Variants in WWOX observed in about 807,000 individuals in gnomAD.
The protein encoded by WWOX is WW domain containing oxidoreductase.
In WWOX, 69 loss-of-function variants were observed where a neutral mutation model predicts 46.2. The observed-to-expected ratio is 1.49, with a 90% CI of 1.23 to 1.82. The LOEUF (loss-of-function observed/expected upper bound fraction) is 1.82. Ranked by LOEUF, WWOX falls within the 40% of genes most tolerant of loss-of-function variation. WWOX has a pLI of 0.00. For missense variants in WWOX, 919 were observed against 542.6 expected, an observed-to-expected ratio of 1.69 and a Z score of -6.89; for synonymous variants, 359 against 202.6, an observed-to-expected ratio of 1.77 and a Z score of -6.56.
chr16:78,594,459 G>A (rs1292788641), intron 8 of WWOX, among the ~76,000 whole-genome samples: 4 of 55,798 alleles, frequency 7.2e-5, no homozygotes, highest in African/African-American at 1.7e-4. Flanking sequence ...AAATTGTCCC[G>A]TTGTCTCTTG....
chr16:79,069,879 G>C (rs1025974592), intron 8 of WWOX, among the ~76,000 whole-genome samples: 1 of 152,106 alleles, frequency 6.6e-6, no homozygotes, highest in Non-Finnish European at 1.5e-5. Context: ...TTGACTCATT[G>C]AAAAACACCT....
chr16:79,116,178 T>G (rs1392100894), intron 8 of WWOX, among the ~76,000 whole-genome samples: 5 of 152,322 alleles, frequency 3.3e-5, no homozygotes, highest in Non-Finnish European at 5.9e-5. Context: ...TGCCTTGATG[T>G]TGATGGCTGC....
At chr16:79,153,679 T>C (rs2050325489) in intron 8 of WWOX, among the ~76,000 whole-genome samples, 1 of 152,170 alleles carries the variant, frequency 6.6e-6, no homozygotes, top group African/African-American at 2.4e-5. Flanking sequence ...CTTAATCTCA[T>C]TGTACATACT....
chr16:78,256,149 CAAAAAAAAAAAA>C (rs10557567), intron 5 of WWOX, among the ~76,000 whole-genome samples: 1 of 65,468 alleles, frequency 1.5e-5, no homozygotes, highest in South Asian at 6.8e-4. Context: ...GACTCCATCT[CAAAAAAAAAAAA>C]AAAAAAAAAA....
At chr16:78,393,112 G>C (rs562385806) in intron 6 of WWOX, among the ~76,000 whole-genome samples, 167 of 152,296 alleles carry the variant, frequency 1.1e-3, no homozygotes, top group African/African-American at 3.8e-3. Context: ...AGAGGAGCCA[G>C]ACTTCCTACT....
chr16:79,180,066 A>T (rs1397267286), intron 8 of WWOX, among the ~76,000 whole-genome samples: 7 of 151,754 alleles, frequency 4.6e-5, no homozygotes, highest in Non-Finnish European at 1.0e-4. Flanking sequence ...TTTTTGAGAG[A>T]TTCTATTGTG....
intron 8 of WWOX, among the ~76,000 whole-genome samples, chr16:79,096,130 A>C (rs1407191849): frequency 6.7e-6 from 1 of 150,150 alleles, no homozygotes; most frequent in African/African-American, 2.5e-5. Context: ...GGTCTCCCAA[A>C]GTGCTGGGAT....
intron 5 of WWOX, among the ~76,000 whole-genome samples, chr16:78,316,625 G>A (rs2080362104): frequency 6.6e-6 from 1 of 152,136 alleles, no homozygotes; most frequent in South Asian, 2.1e-4. Context: ...TTATAGGCCT[G>A]AGCCACGGTG....
chr16:78,195,413 T>C (rs1162324994), intron 5 of WWOX, among the ~76,000 whole-genome samples: 2 of 152,154 alleles, frequency 1.3e-5, no homozygotes, highest in African/African-American at 4.8e-5. Context: ...GATGATTGGA[T>C]GGCTTCCGAA....
intron 8 of WWOX, among the ~76,000 whole-genome samples, chr16:78,818,857 G>A (rs1416544215): frequency 2.6e-5 from 4 of 152,164 alleles, no homozygotes; most frequent in African/African-American, 7.2e-5. Flanking sequence ...GCAGAAATTC[G>A]TTAGCACTGA....
chr16:78,138,059 G>C (rs1006423847), intron 4 of WWOX, among the ~76,000 whole-genome samples: 1 of 150,576 alleles, frequency 6.6e-6, no homozygotes, highest in Non-Finnish European at 1.5e-5. Flanking sequence ...ATGCAATGAG[G>C]AAAGTTGTCT....
chr16:78,536,649 C>G (rs1264249859), intron 8 of WWOX, among the ~76,000 whole-genome samples: 3 of 152,106 alleles, frequency 2.0e-5, no homozygotes, highest in African/African-American at 4.8e-5. Context: ...GCAAAGAAAG[C>G]TGAGCATGGG....
intron 8 of WWOX, among the ~76,000 whole-genome samples, chr16:78,874,359 G>C (rs1171274992): frequency 6.6e-6 from 1 of 152,054 alleles, no homozygotes; most frequent in East Asian, 1.9e-4. Flanking sequence ...TCTTGGGTGA[G>C]TGAGAGGCTA....
chr16:79,111,326 T>C (rs1272463053), intron 8 of WWOX, among the ~76,000 whole-genome samples: 1 of 152,234 alleles, frequency 6.6e-6, no homozygotes, highest in Non-Finnish European at 1.5e-5. Flanking sequence ...ATTTTTGGTT[T>C]TGAAAACAGC....
chr16:78,282,705 C>T lies in WWOX; in HGVS notation c.517-104155C>T, dbSNP rs112241738. 2.0e-3 allele frequency among the ~76,000 whole-genome samples: 304 copies of T among 151,916 alleles called. 2 individuals are homozygous for T. Among genetic ancestry groups the T allele is most frequent in the African/African-American group, 6.9e-3 (284 of 41,440 alleles). ...GGCTGGCCAATGTGATGTGAGACCC[C>T]ATGTCTACTAAAAATACAAAAAATT... On this transcript the variant is annotated intron_variant, in intron 5 of 8. Transcript: ENST00000566780.
intron 6 of WWOX, among the ~76,000 whole-genome samples, chr16:78,411,276 T>G (rs1437156644): frequency 1.3e-5 from 2 of 152,162 alleles, no homozygotes; most frequent in Admixed American, 6.5e-5. Flanking sequence ...TTCTATCCAT[T>G]AGTAGTAGTT....
At chr16:78,823,675 G>C (rs1443446949) in intron 8 of WWOX, among the ~76,000 whole-genome samples, 2 of 152,158 alleles carry the variant, frequency 1.3e-5, no homozygotes, top group Non-Finnish European at 2.9e-5. Context: ...CTGTGCAAAT[G>C]TGTGCATTTA....
chr16:78,722,672 A>G (rs372810836), intron 8 of WWOX, among the ~76,000 whole-genome samples: 187 of 147,286 alleles, frequency 1.3e-3, no homozygotes, highest in African/African-American at 4.5e-3. Flanking sequence ...CTGGAGCATG[A>G]TTTAAAGGAA....
At chr16:78,602,346 C>G (rs553851103) in intron 8 of WWOX, among the ~76,000 whole-genome samples, 1 of 152,282 alleles carries the variant, frequency 6.6e-6, no homozygotes, top group Admixed American at 6.5e-5. Flanking sequence ...GATTCTCCTG[C>G]CTCAGCCTCC....
Sources: allele counts gnomAD v4.1 joint callset (sites outside exome capture counted in the v4.1 genomes callset), GRCh38; gene constraint gnomAD v4.1.1; transcripts MANE v1.5; gene names NCBI Gene and HGNC (gene_info 2026-07-23, HGNC 2026-07-21).